MED12L: variants seen among roughly 807,000 people sequenced by gnomAD.
MED12L encodes the protein mediator complex subunit 12L.
MED12L carries 60 observed loss-of-function variants against 281.3 expected under a neutral mutation model. That is an observed-to-expected ratio of 0.21 (90% confidence interval 0.17 to 0.26). The LOEUF (loss-of-function observed/expected upper bound fraction) is 0.26. MED12L is among the 10% of genes least tolerant of loss of function. The pLI is 1.00. For missense variants in MED12L, 2,146 were observed against 2,680.9 expected (o/e 0.80, Z 4.41); for synonymous variants, 974 against 987.2 (o/e 0.99, Z 0.25).
At chr3:151,310,749 G>T (rs1199112352) in intron 16 of MED12L, among the ~76,000 whole-genome samples, 2 of 152,092 alleles carry the variant, frequency 1.3e-5, no homozygotes, top group Non-Finnish European at 2.9e-5. Context: ...TTCATATTAA[G>T]CATCTCCATA....
At chr3:151,329,688 C>T in intron 16 of MED12L, 1 of 489,124 alleles carries the variant, frequency 2.0e-6, no homozygotes, top group South Asian at 3.7e-5. Context: ...AACTTTCATA[C>T]TGTTAATCTG....
At chr3:151,398,567 G>C (rs192699264) in intron 39 of MED12L, among the ~76,000 whole-genome samples, 1 of 152,300 alleles carries the variant, frequency 6.6e-6, no homozygotes, top group East Asian at 1.9e-4. Context: ...CATGGATATT[G>C]TTAAGTATTT....
intron 26 of MED12L, 133 bp from the exon 27 acceptor site, chr3:151,372,434 C>T (rs1756305731): frequency 1.5e-6 from 1 of 661,440 alleles, no homozygotes; most frequent in Admixed American, 2.5e-5. Context: ...CTCTCTATTC[C>T]TGAACAACTG....
intron 16 of MED12L, chr3:151,213,227 CTTA>C: frequency 8.6e-7 from 1 of 1,158,280 alleles, no homozygotes; most frequent in South Asian, 1.5e-5. Flanking sequence ...GGGCACATAT[CTTA>C]TTGATTTCTG....
intron 16 of MED12L, chr3:151,269,920 TGTTGA>T (rs1325326197): frequency 4.4e-6 from 2 of 449,840 alleles, no homozygotes; most frequent in African/African-American, 4.1e-5. Flanking sequence ...ATGCAGGTGT[TGTTGA>T]GTTGGGAGAG....
intron 43 of MED12L, chr3:151,425,507 C>G: frequency 2.5e-6 from 1 of 393,786 alleles, no homozygotes; most frequent in Non-Finnish European, 5.2e-6. Context: ...CTCAAGTGAT[C>G]TTTCCACCTC....
intron 16 of MED12L, chr3:151,336,837 A>G (rs2307020): frequency 0.39 from 77,921 of 198,990 alleles, 15,839 homozygotes; most frequent in African/African-American, 0.48. Flanking sequence ...AGAATTTACA[A>G]CAAAGAATGA....
intron 16 of MED12L, among the ~76,000 whole-genome samples, chr3:151,335,693 A>G (rs996167550): frequency 2.0e-5 from 3 of 152,198 alleles, no homozygotes; most frequent in Non-Finnish European, 4.4e-5. Context: ...TGTTTTATGT[A>G]TAATGATCCC....
intron 26 of MED12L, among the ~76,000 whole-genome samples, chr3:151,369,923 G>C (rs1755973636): frequency 6.6e-6 from 1 of 152,068 alleles, no homozygotes; most frequent in South Asian, 2.1e-4. Flanking sequence ...ATTTTATCCA[G>C]ATTATATTTC....
At position 151,303,579 on chromosome 3, in the gene MED12L, A is replaced by G. The variant is rs1375814114; in HGVS notation, c.2251-46480A>G. Among the ~76,000 whole-genome samples the G allele has an allele frequency of 3.3e-5, 5 of 152,316 alleles. No individual in the cohort carries two copies. The East Asian group carries it at 7.7e-4, about 24-fold the overall frequency. On this transcript the variant is annotated intron_variant, in intron 16 of 44. Coordinates refer to ENST00000687756, the MANE Select transcript of MED12L (RefSeq NM_001393769.1). ...GGAGTTTGAGACAAGCCTGGCCAAC[A>G]TGGTGAAACCCCATCTCTACTAAAA...
At position 151,193,349 on chromosome 3, in the gene MED12L, ATTTC is replaced by A. The variant is rs983476817; in HGVS notation, c.2074-138_2074-135del. The A allele has an allele frequency of 8.2e-5, 50 of 609,714 alleles. No homozygotes were observed. In the African/African-American group the frequency reaches 8.7e-4, roughly 11 times the overall value. The allele number at this position is 609,714 out of a possible 1,614,324, so 37.8% of individuals were successfully genotyped here. A position where few individuals can be genotyped will look rare whatever the true frequency, so the allele number is the denominator to read the frequency against. ...TATGAATTTTGTGGAAATTAACACAATTTCTTCATATTTTTTTGCTAAGTGGTTA... is the reference window on the plus strand; with the variant it reads ...TATGAATTTTGTGGAAATTAACACAATTCATATTTTTTTGCTAAGTGGTTA... On this transcript the variant is annotated intron_variant, in intron 15 of 44. Coordinates refer to ENST00000687756, the MANE Select transcript of MED12L (RefSeq NM_001393769.1).
At position 151,190,832 on chromosome 3, in the gene MED12L, T is replaced by G; in HGVS notation, c.1869T>G (p.Ser623=). 1 of 1,614,174 alleles carries G rather than the reference T, an allele frequency of 6.2e-7. No homozygotes were observed. Among genetic ancestry groups the G allele is most frequent in the Non-Finnish European group, 8.5e-7 (1 of 1,180,028 alleles). ...ACGCATACATGTGTACCCTCATATC[T>G]CGAGGAGATTTGTCAGTCACTGCCT... ...SHDAYMCTLI[S]RGDLSVTAST... is the part of the protein sequence containing the mutation. Residue 623 remains serine (S), a synonymous_variant, in exon 14 of 45, where the codon TCT becomes TCG. Transcript: ENST00000687756.
chr3:151,099,650 G>C (rs1721158684), intron 2 of MED12L, among the ~76,000 whole-genome samples: 2 of 152,148 alleles, frequency 1.3e-5, no homozygotes, highest in Admixed American at 1.3e-4. Context: ...ATGTTCTCGA[G>C]AGCTCCAGAG....
intron 4 of MED12L, 111 bp from the exon 5 acceptor site, chr3:151,127,714 G>T: frequency 1.4e-6 from 1 of 726,574 alleles, no homozygotes; most frequent in Non-Finnish European, 2.2e-6. Flanking sequence ...ACTTTCTTAG[G>T]GCCAGCAGGT....
chr3:151,136,991 A>G (rs971292731), intron 5 of MED12L, among the ~76,000 whole-genome samples: 22 of 151,932 alleles, frequency 1.4e-4, no homozygotes, highest in Admixed American at 9.8e-4. Context: ...GTGAAACCCC[A>G]TCTCTACTAA....
chr3:151,393,814 A>C (rs1353560042), intron 38 of MED12L, among the ~76,000 whole-genome samples: 2 of 152,200 alleles, frequency 1.3e-5, no homozygotes, highest in Non-Finnish European at 2.9e-5. Context: ...TTTTTCCAAA[A>C]AAACAGCTTT....
At chr3:151,191,397 G>A (rs1723965211) in intron 14 of MED12L, among the ~76,000 whole-genome samples, 1 of 152,186 alleles carries the variant, frequency 6.6e-6, no homozygotes, top group African/African-American at 2.4e-5. Flanking sequence ...TTTCATTTCA[G>A]TTAATTAAAA....
chr3:151,226,161 T>TA (rs762255859), intron 16 of MED12L, among the ~76,000 whole-genome samples: 6 of 152,186 alleles, frequency 3.9e-5, no homozygotes, highest in Non-Finnish European at 7.4e-5. Context: ...AGTGAGCACG[T>TA]ATCTAGTTTC....
intron 16 of MED12L, among the ~76,000 whole-genome samples, chr3:151,265,091 G>C (rs1031693791): frequency 6.6e-6 from 1 of 152,156 alleles, no homozygotes; most frequent in African/African-American, 2.4e-5. Flanking sequence ...CCTCCAGCCT[G>C]CTAGATTATT....
Sources: allele counts gnomAD v4.1 joint callset (sites outside exome capture counted in the v4.1 genomes callset), GRCh38; gene constraint gnomAD v4.1.1; transcripts MANE v1.5; gene names NCBI Gene and HGNC (gene_info 2026-07-23, HGNC 2026-07-21).